PPP4R2: variants seen among roughly 807,000 people sequenced by gnomAD.
PPP4R2 encodes serine/threonine-protein phosphatase 4 regulatory subunit 2.
In PPP4R2, 13 loss-of-function variants were observed where a neutral mutation model predicts 47.2. The observed-to-expected ratio is 0.28, with a 90% confidence interval of 0.18 to 0.44. The LOEUF (loss-of-function observed/expected upper bound fraction) is 0.44. PPP4R2 is among the 20% of genes least tolerant of loss of function. The pLI, the probability that PPP4R2 is intolerant of heterozygous loss-of-function variation, is 1.00. For missense variants in PPP4R2, 421 were observed against 491.2 expected, an observed-to-expected ratio of 0.86 and a Z score of 1.35; for synonymous variants, 151 against 163.3, an observed-to-expected ratio of 0.92 and a Z score of 0.57.
chr3:73,045,118 TGAGTAG>T (rs1702455935), intron 2 of PPP4R2, among the ~76,000 whole-genome samples: 1 of 152,142 alleles, frequency 6.6e-6, no homozygotes, highest in African/African-American at 2.4e-5. Context: ...CTCGGCCTCT[TGAGTAG>T]CTGGGACTAC....
At chr3:73,047,879 T>G (rs1208724150) in intron 3 of PPP4R2, among the ~76,000 whole-genome samples, 1 of 152,168 alleles carries the variant, frequency 6.6e-6, no homozygotes, top group Non-Finnish European at 1.5e-5. Flanking sequence ...TTTTTTGTTT[T>G]GTTTTGTTTG....
intron 7 of PPP4R2, among the ~76,000 whole-genome samples, chr3:73,064,488 G>T (rs1702943622): frequency 6.6e-6 from 1 of 151,734 alleles, no homozygotes; most frequent in African/African-American, 2.4e-5. Flanking sequence ...GTTCATAAAA[G>T]GACACCTTTT....
intron 3 of PPP4R2, among the ~76,000 whole-genome samples, chr3:73,048,680 G>T (rs1186539444): frequency 6.6e-6 from 1 of 152,180 alleles, no homozygotes; most frequent in Non-Finnish European, 1.5e-5. Context: ...ATGAATTGTG[G>T]TTTTTCTAAC....
intron 2 of PPP4R2, among the ~76,000 whole-genome samples, chr3:73,029,555 C>T (rs1702130532): frequency 7.2e-6 from 1 of 138,634 alleles, no homozygotes; most frequent in Non-Finnish European, 1.6e-5. Context: ...TGTGGAATTT[C>T]ATCACATCTG....
chr3:72,996,851 G>T lies in PPP4R2; in HGVS notation c.-187G>T, dbSNP rs1157203921. On this transcript the variant is annotated 5_prime_UTR_variant, in exon 1 of 9. Transcript: ENST00000356692. ...GGGTTGGTGGTAGCGGCTTGGGGAG[G>T]TGCTCGCTCTGTCGGTCTTGCTCTC... is the stretch of plus-strand genomic sequence containing the variant. 2.5e-6 allele frequency: 1 copy of T among 404,792 alleles called. No homozygotes were observed. Among genetic ancestry groups the T allele is most frequent in the Non-Finnish European group, 4.4e-6 (1 of 227,190 alleles). 25.1% of individuals were successfully genotyped at this position (404,792 alleles called of 1,614,324 possible). A position where few individuals can be genotyped will look rare whatever the true frequency, so the allele number is the denominator to read the frequency against.
intron 2 of PPP4R2, among the ~76,000 whole-genome samples, chr3:73,023,213 C>G (rs115810733): frequency 0.016 from 2,335 of 149,156 alleles, 70 homozygotes; most frequent in African/African-American, 0.055. Context: ...GATGGAATTT[C>G]GCTCTTGTTG....
At chr3:73,046,282 A>G (rs1012789746) in intron 2 of PPP4R2, among the ~76,000 whole-genome samples, 2 of 152,106 alleles carry the variant, frequency 1.3e-5, no homozygotes, top group African/African-American at 4.8e-5. Flanking sequence ...CTGCTACCCT[A>G]GTTTATAGGG....
chr3:73,041,762 C>T (rs901973439), intron 2 of PPP4R2, among the ~76,000 whole-genome samples: 9 of 152,180 alleles, frequency 5.9e-5, no homozygotes, highest in Non-Finnish European at 4.4e-5. Context: ...TGTTAGGAAC[C>T]AGTACGTTAA....
At chr3:73,005,124 G>A (rs1184871544) in intron 2 of PPP4R2, among the ~76,000 whole-genome samples, 2 of 152,052 alleles carry the variant, frequency 1.3e-5, no homozygotes, top group African/African-American at 2.4e-5. Context: ...TGTATGTTTA[G>A]TAGAGACGGG....
chr3:73,011,776 T>C (rs35953264), intron 2 of PPP4R2, among the ~76,000 whole-genome samples: 22,090 of 152,096 alleles, frequency 0.15, 1,886 homozygotes, highest in East Asian at 0.36. Context: ...GATACGTGTA[T>C]TTTAACTTGA....
Position 73,012,920 on chromosome 3 carries a change from T to A in PPP4R2, c.116+14762T>A, listed in dbSNP as rs527836289. On this transcript the variant is annotated intron_variant, in intron 2 of 8. Transcript: ENST00000356692. ...ATGTAGGCTTTTTTTTTTTTTTTTT[T>A]AAACCACCCTTACCAGTGAATACTA... 1.9e-4 allele frequency among the ~76,000 whole-genome samples: 28 copies of A among 146,398 alleles called. No homozygotes were observed. The East Asian group carries it at 3.1e-3, about 16-fold the overall frequency.
intron 2 of PPP4R2, among the ~76,000 whole-genome samples, chr3:73,029,594 A>G (rs993911028): frequency 2.0e-5 from 3 of 152,200 alleles, no homozygotes; most frequent in African/African-American, 7.2e-5. Flanking sequence ...GAGGAGCAAT[A>G]TGTGGGAAAG....
intron 3 of PPP4R2, among the ~76,000 whole-genome samples, chr3:73,058,191 A>G (rs765967613): frequency 5.3e-5 from 8 of 152,124 alleles, no homozygotes; most frequent in Non-Finnish European, 8.8e-5. Context: ...TAGTGAAATT[A>G]TTTGGTAAAG....
chr3:73,053,076 T>C (rs896090745), intron 3 of PPP4R2, among the ~76,000 whole-genome samples: 1 of 152,248 alleles, frequency 6.6e-6, no homozygotes, highest in South Asian at 2.1e-4. Context: ...TACTTTGTTC[T>C]CTGACACTGT....
At chr3:73,062,059 G>A in intron 5 of PPP4R2, 1 of 1,483,646 alleles carries the variant, frequency 6.7e-7, no homozygotes, top group Admixed American at 2.5e-5. Flanking sequence ...AAGAAGTGCA[G>A]AGTCAAGTCA....
chr3:72,997,172 G>A, intron 1 of PPP4R2, 101 bp downstream of exon 1: 4 of 954,266 alleles, frequency 4.2e-6, no homozygotes, highest in Non-Finnish European at 5.6e-6. Flanking sequence ...CGGGCGCGGC[G>A]TGGGGAGAGT....
At chr3:73,000,274 C>T (rs1365509371) in intron 2 of PPP4R2, among the ~76,000 whole-genome samples, 2 of 152,116 alleles carry the variant, frequency 1.3e-5, no homozygotes, top group African/African-American at 2.4e-5. Flanking sequence ...GTTGAGGCTG[C>T]AGTGAGCCAT....
At position 73,065,853 on chromosome 3, in the gene PPP4R2, A is replaced by G. The variant is rs1702984270; in HGVS notation, c.*131A>G. On this transcript the variant is annotated 3_prime_UTR_variant, in exon 9 of 9. Transcript: ENST00000356692. ...GGTTGTAAAATAAAGTACTTTATGG[A>G]TAATTCCTGAAAGAGTTGTACATGT... 1 of 596,390 alleles carries G rather than the reference A, an allele frequency of 1.7e-6. No individual in the cohort carries two copies. The highest frequency in any genetic ancestry group is 3.3e-5 in the Admixed American group (1 of 30,608). 36.9% of individuals were successfully genotyped at this position (596,390 alleles called of 1,614,324 possible).
intron 2 of PPP4R2, among the ~76,000 whole-genome samples, chr3:73,002,957 T>G (rs557202214): frequency 6.6e-6 from 1 of 152,136 alleles, no homozygotes; most frequent in Non-Finnish European, 1.5e-5. Context: ...TTTTTATAAC[T>G]TTTTGCATAC....
Sources: allele counts gnomAD v4.1 joint callset (sites outside exome capture counted in the v4.1 genomes callset), GRCh38; gene constraint gnomAD v4.1.1; transcripts MANE v1.5; gene names NCBI Gene and HGNC (gene_info 2026-07-23, HGNC 2026-07-21).